IL1RAPL2: variants seen among roughly 807,000 people sequenced by gnomAD.
IL1RAPL2 encodes interleukin 1 receptor accessory protein like 2, also known as X-linked interleukin-1 receptor accessory protein-like 2.
IL1RAPL2 carries 3 observed loss-of-function variants against 44.1 expected under a neutral mutation model. The observed-to-expected ratio is 0.07, with a 90% CI of 0.03 to 0.18. The LOEUF (loss-of-function observed/expected upper bound fraction) is 0.18, where lower values mean the gene tolerates loss of function less well. Among genes scored for constraint, IL1RAPL2 ranks in the 10% least tolerant of loss-of-function variants. IL1RAPL2 has a pLI of 1.00. For missense variants in IL1RAPL2, 391 were observed against 496.4 expected (o/e 0.79, Z 2.02); for synonymous variants, 181 against 178.8 (o/e 1.01, Z -0.10).
At chrX:105,101,682 T>TAA (rs35567766) in intron 2 of IL1RAPL2, among the ~76,000 whole-genome samples, 60 of 107,183 alleles carry the variant, frequency 5.6e-4, no homozygotes, top group African/African-American at 8.2e-4. Flanking sequence ...TTGGAGATGT[T>TAA]AAAAAAAAAT....
chrX:104,990,031 C>A (rs945439016), intron 2 of IL1RAPL2, among the ~76,000 whole-genome samples: 6 of 111,847 alleles, frequency 5.4e-5, no homozygotes. Flanking sequence ...AAGTTAGGAA[C>A]AATTTGACTC....
rs1430495684 is a variant in IL1RAPL2 at position 105,729,634 on chromosome X, C to T, written c.903-10912C>T. Among the ~76,000 whole-genome samples, 6 of 110,067 alleles carry T rather than the reference C, an allele frequency of 5.5e-5. No homozygotes were observed. In the East Asian group the frequency reaches 1.4e-3, roughly 26 times the overall value. Reference sequence around the variant, plus strand: ...TGTATATGTTTTGCATATATTTTCTCCCATTTTATGGCTTAGCTATTTATT... The same window carrying T: ...TGTATATGTTTTGCATATATTTTCTTCCATTTTATGGCTTAGCTATTTATT... On this transcript the variant is annotated intron_variant, in intron 7 of 10. Coordinates refer to ENST00000372582, the MANE Select transcript of IL1RAPL2 (RefSeq NM_017416.2).
intron 2 of IL1RAPL2, among the ~76,000 whole-genome samples, chrX:104,715,708 C>T (rs759752723): frequency 1.8e-5 from 2 of 109,066 alleles, no homozygotes; most frequent in East Asian, 5.8e-4. Flanking sequence ...AAATAAAATG[C>T]CCAGGAATAC....
At chrX:105,021,337 T>C (rs2031278788) in intron 2 of IL1RAPL2, among the ~76,000 whole-genome samples, 1 of 111,439 alleles carries the variant, frequency 9.0e-6, no homozygotes, top group Admixed American at 9.6e-5. Context: ...GTCCTACATA[T>C]TTTTATCTCC....
chrX:105,531,167 C>T (rs939280025), intron 6 of IL1RAPL2, among the ~76,000 whole-genome samples: 1 of 111,510 alleles, frequency 9.0e-6, no homozygotes, highest in African/African-American at 3.3e-5. Context: ...ACGTTACCAC[C>T]AACACTGTAT....
At chrX:105,123,367 C>G (rs2032944426) in intron 2 of IL1RAPL2, among the ~76,000 whole-genome samples, 1 of 110,893 alleles carries the variant, frequency 9.0e-6, no homozygotes, top group Non-Finnish European at 1.9e-5. Context: ...GTGAGAGCCC[C>G]ACGTTAGGAT....
At chrX:105,234,384 C>A (rs948354562) in intron 4 of IL1RAPL2, among the ~76,000 whole-genome samples, 2 of 111,902 alleles carry the variant, frequency 1.8e-5, no homozygotes, top group African/African-American at 6.5e-5. Flanking sequence ...AGAATAACAA[C>A]TATCATAATG....
chrX:105,133,532 G>A (rs2033048546), intron 2 of IL1RAPL2, among the ~76,000 whole-genome samples: 1 of 111,803 alleles, frequency 8.9e-6, no homozygotes, highest in Non-Finnish European at 1.9e-5. Context: ...TCTTTCAAAT[G>A]AATTTGCTCA....
intron 2 of IL1RAPL2, among the ~76,000 whole-genome samples, chrX:104,910,181 C>T (rs946733252): frequency 3.6e-5 from 4 of 112,396 alleles, no homozygotes; most frequent in Non-Finnish European, 1.9e-5. Context: ...TTGCGCTTCC[C>T]GAGTGAGGCA....
chrX:104,772,942 C>T (rs919372668), intron 2 of IL1RAPL2, among the ~76,000 whole-genome samples: 1 of 111,301 alleles, frequency 9.0e-6, no homozygotes, highest in Non-Finnish European at 1.9e-5. Context: ...CAAGGTCTTG[C>T]TCTGTTGCCC....
intron 5 of IL1RAPL2, among the ~76,000 whole-genome samples, chrX:105,483,035 G>A (rs1244136339): frequency 9.6e-6 from 1 of 103,829 alleles, no homozygotes; most frequent in Admixed American, 1.1e-4. Context: ...TCTCAGATTT[G>A]TCCTCTCATT....
At chrX:105,201,009 CAGTT>C (rs1481731758) in intron 3 of IL1RAPL2, among the ~76,000 whole-genome samples, 1 of 111,152 alleles carries the variant, frequency 9.0e-6, no homozygotes, top group Non-Finnish European at 1.9e-5. Flanking sequence ...TGCAGAGAAT[CAGTT>C]AGAGGTTCAA....
intron 2 of IL1RAPL2, among the ~76,000 whole-genome samples, chrX:104,962,765 C>A (rs758602660): frequency 8.9e-6 from 1 of 112,040 alleles, no homozygotes; most frequent in South Asian, 3.7e-4. Flanking sequence ...AATTGCTTCT[C>A]TCCACAATTC....
chrX:105,458,382 C>A (rs1443534121), intron 5 of IL1RAPL2, among the ~76,000 whole-genome samples: 1 of 111,272 alleles, frequency 9.0e-6, no homozygotes, highest in Non-Finnish European at 1.9e-5. Context: ...AAATCCAATA[C>A]CACTACAATG....
chrX:105,527,954 G>A (rs965035062), intron 6 of IL1RAPL2, among the ~76,000 whole-genome samples: 6 of 112,130 alleles, frequency 5.4e-5, no homozygotes, highest in Admixed American at 3.8e-4. Flanking sequence ...AAGCAGGCAT[G>A]TAGGAGAATC....
intron 2 of IL1RAPL2, among the ~76,000 whole-genome samples, chrX:105,032,057 G>C (rs1444468622): frequency 9.0e-6 from 1 of 111,316 alleles, no homozygotes; most frequent in Non-Finnish European, 1.9e-5. Flanking sequence ...GTATTTCTGT[G>C]GGATCGCTGG....
intron 2 of IL1RAPL2, among the ~76,000 whole-genome samples, chrX:104,850,700 C>G (rs1378081115): frequency 9.0e-6 from 1 of 111,512 alleles, no homozygotes; most frequent in African/African-American, 3.3e-5. Context: ...TCCTTTGAGA[C>G]TCTTTTTAAA....
chrX:105,580,610 T>G (rs915975356), intron 6 of IL1RAPL2, among the ~76,000 whole-genome samples: 1 of 111,231 alleles, frequency 9.0e-6, no homozygotes, highest in Non-Finnish European at 1.9e-5. Flanking sequence ...TAGTACCTAA[T>G]GGCTCTGCAG....
intron 5 of IL1RAPL2, among the ~76,000 whole-genome samples, chrX:105,459,058 T>A (rs1264177631): frequency 8.9e-6 from 1 of 111,918 alleles, no homozygotes; most frequent in East Asian, 2.8e-4. Context: ...TAAACATTCC[T>A]TGTATCGTTG....
Sources: gnomAD v4.1 joint callset for allele counts (sites outside exome capture counted in the v4.1 genomes callset) on GRCh38, gnomAD v4.1.1 for gene constraint, MANE v1.5 for transcripts, NCBI Gene and HGNC (gene_info 2026-07-23, HGNC 2026-07-21) for gene names.